The following KSR2 variants were observed in gnomAD, a reference collection of about 807,000 sequenced individuals.
KSR2 encodes kinase suppressor of ras 2.
A neutral mutation model predicts 107.8 loss-of-function variants in KSR2; 25 were observed. The observed-to-expected ratio is 0.23, with a 90% CI of 0.17 to 0.32. KSR2 has a LOEUF of 0.32. Among genes scored for constraint, KSR2 ranks in the 10% least tolerant of loss-of-function variants. KSR2 has a pLI of 1.00. For synonymous variants in KSR2, 480 were observed against 507.0 expected (o/e 0.95, Z 0.71); for missense variants, 887 against 1,268.9 (o/e 0.70, Z 4.57).
At chr12:117,503,684 T>C (rs1873514327) in intron 14 of KSR2, among the ~76,000 whole-genome samples, 1 of 152,176 alleles carries the variant, frequency 6.6e-6, no homozygotes, top group South Asian at 2.1e-4. Context: ...TTGTTTGTCA[T>C]TGCAGCACAA....
At chr12:117,725,239 T>C (rs1219504450) in intron 4 of KSR2, among the ~76,000 whole-genome samples, 1 of 151,752 alleles carries the variant, frequency 6.6e-6, no homozygotes, top group African/African-American at 2.4e-5. Context: ...AGAGGGGAAG[T>C]TGAAAGAGGA....
At chr12:117,864,454 T>C (rs570525681) in intron 1 of KSR2, among the ~76,000 whole-genome samples, 9 of 152,194 alleles carry the variant, frequency 5.9e-5, no homozygotes, top group East Asian at 1.9e-4. Context: ...CACACACACA[T>C]ATATATATAG....
At chr12:117,866,073 G>A (rs926596773) in intron 1 of KSR2, among the ~76,000 whole-genome samples, 4 of 132,826 alleles carry the variant, frequency 3.0e-5, no homozygotes, top group Non-Finnish European at 6.0e-5. Context: ...TTCTCACTCT[G>A]TCGCCCAGGA....
At chr12:117,587,551 G>T (rs966845174) in intron 5 of KSR2, among the ~76,000 whole-genome samples, 3 of 152,162 alleles carry the variant, frequency 2.0e-5, no homozygotes, top group Non-Finnish European at 4.4e-5. Context: ...CTCCAGAACT[G>T]TAAGATAATA....
In KSR2 at chr12:117,860,271, A is replaced by C. The variant is rs1298732199; in HGVS notation, c.321+20T>G. The C allele has an allele frequency of 1.2e-6, 2 of 1,602,988 alleles. No homozygotes were observed. The highest frequency in any genetic ancestry group is 1.7e-5 in the Admixed American group (1 of 59,766). On this transcript the variant is annotated intron_variant, in intron 2 of 19. Transcript: ENST00000339824. ...TGCTGGCCAGTAAGGGGCAGGGGAC[A>C]CAGGGGCCCCCCAGGTCACCTCCAG...
chr12:117,543,342 G>C (rs989078565), intron 9 of KSR2, among the ~76,000 whole-genome samples: 5 of 152,168 alleles, frequency 3.3e-5, no homozygotes, highest in Non-Finnish European at 5.9e-5. Flanking sequence ...ATATCTCATT[G>C]TGCTTTAATT....
At chr12:117,923,142 A>G (rs1021033757) in intron 1 of KSR2, among the ~76,000 whole-genome samples, 1 of 152,234 alleles carries the variant, frequency 6.6e-6, no homozygotes, top group Non-Finnish European at 1.5e-5. Context: ...TGTGTGTGTT[A>G]GATAAGCTTC....
At chr12:117,488,333 A>G (rs1211735939) in intron 14 of KSR2, among the ~76,000 whole-genome samples, 3 of 152,194 alleles carry the variant, frequency 2.0e-5, no homozygotes, top group African/African-American at 7.2e-5. Context: ...GAATTCTCAT[A>G]TTCACCCCTA....
At chr12:117,848,845 T>TG (rs1555249544) in intron 3 of KSR2, among the ~76,000 whole-genome samples, 2 of 138,578 alleles carry the variant, frequency 1.4e-5, no homozygotes, top group South Asian at 2.5e-4. Flanking sequence ...GTGGTGGTGA[T>TG]GGTGATGATG....
At chr12:117,912,952 A>G (rs1465638116) in intron 1 of KSR2, among the ~76,000 whole-genome samples, 2 of 152,202 alleles carry the variant, frequency 1.3e-5, no homozygotes, top group African/African-American at 4.8e-5. Flanking sequence ...CAGGGCAGAC[A>G]CTGTTTCCAG....
At chr12:117,599,261 G>A (rs949138227) in intron 5 of KSR2, among the ~76,000 whole-genome samples, 2 of 152,136 alleles carry the variant, frequency 1.3e-5, no homozygotes, top group Admixed American at 6.5e-5. Context: ...CATTTAATGA[G>A]ACCCCCACCT....
chr12:117,469,982 A>G (rs1871342018), intron 18 of KSR2, among the ~76,000 whole-genome samples, 187 bp from the exon 19 acceptor site: 1 of 147,924 alleles, frequency 6.8e-6, no homozygotes, highest in Non-Finnish European at 1.5e-5. Context: ...CCATCCAATC[A>G]ATTCACTCTT....
intron 3 of KSR2, among the ~76,000 whole-genome samples, chr12:117,836,286 C>T (rs1253554684): frequency 6.6e-6 from 1 of 152,072 alleles, no homozygotes; most frequent in African/African-American, 2.4e-5. Context: ...CTCTGGGGCC[C>T]CGAGACCATT....
chr12:117,741,178 G>C (rs1888204629), intron 4 of KSR2, among the ~76,000 whole-genome samples: 1 of 152,082 alleles, frequency 6.6e-6, no homozygotes, highest in African/African-American at 2.4e-5. Flanking sequence ...GATAGTAAAG[G>C]AGTATAACCT....
chr12:117,587,279 C>T (rs530062296), intron 5 of KSR2, among the ~76,000 whole-genome samples: 12 of 152,068 alleles, frequency 7.9e-5, no homozygotes, highest in African/African-American at 2.9e-4. Flanking sequence ...CCCTGGATTA[C>T]GCGGGTGGAA....
At chr12:117,570,327 G>A (rs1398622931) in intron 7 of KSR2, among the ~76,000 whole-genome samples, 1 of 152,168 alleles carries the variant, frequency 6.6e-6, no homozygotes, top group Non-Finnish European at 1.5e-5. Flanking sequence ...TGGGAGTGAG[G>A]AGGGGGTGCT....
chr12:117,959,309 A>G (rs1896597975), intron 1 of KSR2, among the ~76,000 whole-genome samples: 1 of 152,172 alleles, frequency 6.6e-6, no homozygotes, highest in Non-Finnish European at 1.5e-5. Context: ...CTCCAGTCTT[A>G]CATTTCAAAC....
In KSR2 at chr12:117,466,508, A is replaced by G. The variant is rs1871153298; in HGVS notation, c.*691T>C. 1 of 152,208 alleles carries G rather than the reference A, an allele frequency of 6.6e-6. No homozygotes were observed. Among genetic ancestry groups the G allele is most frequent in the East Asian group, 1.9e-4 (1 of 5,180 alleles). The allele number at this position is 152,208 out of a possible 1,614,324, so 9.4% of individuals were successfully genotyped here. A position where few individuals can be genotyped will look rare whatever the true frequency, so the allele number is the denominator to read the frequency against. On this transcript the variant is annotated 3_prime_UTR_variant, in exon 20 of 20. Transcript: ENST00000339824. ...GTCCCCCAGAGAGACCCAGAACTCA[A>G]AAGACGTTCTAACTTTCCTACTGTA...
chr12:117,935,873 T>C (rs1895821370), intron 1 of KSR2, among the ~76,000 whole-genome samples: 1 of 152,180 alleles, frequency 6.6e-6, no homozygotes, highest in Non-Finnish European at 1.5e-5. Context: ...TGCGGTGGCC[T>C]CTCTCTGAGT....
Sources: allele counts gnomAD v4.1 joint callset (sites outside exome capture counted in the v4.1 genomes callset), GRCh38; gene constraint gnomAD v4.1.1; transcripts MANE v1.5; gene names NCBI Gene and HGNC (gene_info 2026-07-23, HGNC 2026-07-21).